FSTL5: variants seen among roughly 807,000 people sequenced by gnomAD.
The protein encoded by FSTL5 is follistatin-related protein 5.
In FSTL5, 62 loss-of-function variants were observed where a neutral mutation model predicts 89.1. The observed-to-expected ratio is 0.70, with a 90% CI of 0.57 to 0.86. The LOEUF (loss-of-function observed/expected upper bound fraction) is 0.86. Ranked by LOEUF, FSTL5 falls within the 40% of genes least tolerant of loss-of-function variation. The pLI is 0.00. For missense variants in FSTL5, 1,057 were observed against 1,001.6 expected, an observed-to-expected ratio of 1.06 and a Z score of -0.75; for synonymous variants, 383 against 346.2, an observed-to-expected ratio of 1.11 and a Z score of -1.18.
intron 2 of FSTL5, among the ~76,000 whole-genome samples, chr4:162,109,706 G>A (rs527319973): frequency 7.3e-4 from 111 of 151,980 alleles, no homozygotes; most frequent in African/African-American, 2.5e-3. Flanking sequence ...ATTTAGCAAG[G>A]GAACAATCAG....
intron 3 of FSTL5, among the ~76,000 whole-genome samples, chr4:161,963,397 C>G (rs1174813832): frequency 1.3e-5 from 2 of 151,852 alleles, no homozygotes; most frequent in Non-Finnish European, 2.9e-5. Context: ...TACCTAGTTT[C>G]TTCAATTGCA....
intron 2 of FSTL5, among the ~76,000 whole-genome samples, chr4:162,071,768 T>C (rs541151525): frequency 6.6e-6 from 1 of 151,870 alleles, no homozygotes; most frequent in South Asian, 2.1e-4. Flanking sequence ...CAACGCATTT[T>C]AAAAGATCAA....
chr4:161,391,276 A>C (rs74501625), intron 15 of FSTL5, among the ~76,000 whole-genome samples: 2,318 of 152,316 alleles, frequency 0.015, 27 homozygotes, highest in Middle Eastern at 0.031. Context: ...ACACATGATT[A>C]AGTGGTTAGT....
chr4:161,547,593 T>C (rs1192039743), intron 8 of FSTL5, among the ~76,000 whole-genome samples: 2 of 151,928 alleles, frequency 1.3e-5, no homozygotes, highest in African/African-American at 2.4e-5. Context: ...ACTAAAATGG[T>C]AATATACCAT....
chr4:161,906,884 G>T (rs1384538968), intron 4 of FSTL5, among the ~76,000 whole-genome samples: 2 of 152,030 alleles, frequency 1.3e-5, no homozygotes, highest in African/African-American at 4.8e-5. Flanking sequence ...AATGGAATTT[G>T]CTTCCATGCC....
chr4:161,390,193 G>A (rs150133296), intron 15 of FSTL5, among the ~76,000 whole-genome samples: 7 of 152,148 alleles, frequency 4.6e-5, no homozygotes, highest in East Asian at 3.9e-4. Flanking sequence ...TAGGCTATGG[G>A]GTACTAGGTG....
chr4:161,568,606 A>T lies in FSTL5; in HGVS notation c.1015+18849T>A, dbSNP rs55788322. 1.6e-3 allele frequency among the ~76,000 whole-genome samples: 243 copies of T among 151,460 alleles called. 1 individual carries two copies. The highest frequency in any genetic ancestry group is 5.3e-3 in the African/African-American group (214 of 40,736). On this transcript the variant is annotated intron_variant, in intron 8 of 15. Transcript: ENST00000306100. ...GTTATGTCTAACAAATATACACATT[A>T]GGAAGCAGGTCACCCTATGTAGGAG...
chr4:161,883,476 T>C (rs1732701387), intron 4 of FSTL5, among the ~76,000 whole-genome samples: 1 of 152,200 alleles, frequency 6.6e-6, no homozygotes, highest in Non-Finnish European at 1.5e-5. Context: ...ATGCAGTTCT[T>C]TACTAAGTAA....
chr4:161,542,610 T>C lies in FSTL5; in HGVS notation c.1099A>G (p.Ile367Val), dbSNP rs377121983. 1.3e-6 allele frequency: 2 copies of C among 1,573,136 alleles called. No homozygotes were observed. Among genetic ancestry groups the C allele is most frequent in the Non-Finnish European group, 1.7e-6 (2 of 1,156,662 alleles). The part of the protein sequence containing the change: ...TASLRCHAEG[I>V]PKPQLGWLKN... ...AACCAGCCAAGCTGAGGCTTTGGTA[T>C]GCCCTCTGCATGGCACCTAAGACTG... The change falls in exon 9 of 16, where the codon ATA becomes GTA. Residue 367 changes from isoleucine to valine, a missense_variant. Ile to Val is a conservative substitution (Grantham distance 29). Coordinates refer to ENST00000306100, the MANE Select transcript of FSTL5 (RefSeq NM_020116.5).
chr4:162,029,198 T>C (rs1737421333), intron 3 of FSTL5, among the ~76,000 whole-genome samples: 1 of 151,842 alleles, frequency 6.6e-6, no homozygotes, highest in Admixed American at 6.6e-5. Flanking sequence ...CGTGTGTGTG[T>C]GTAGACTGCA....
intron 7 of FSTL5, among the ~76,000 whole-genome samples, chr4:161,611,222 ATGT>A (rs1167108276): frequency 9.5e-5 from 11 of 116,298 alleles, no homozygotes; most frequent in African/African-American, 3.5e-4. Flanking sequence ...ATATGTGTGT[ATGT>A]GTATACATAT....
chr4:162,058,877 T>G (rs772534475), intron 2 of FSTL5, among the ~76,000 whole-genome samples: 8 of 152,116 alleles, frequency 5.3e-5, no homozygotes, highest in Non-Finnish European at 1.2e-4. Flanking sequence ...GGAAAAAAAT[T>G]AATGAACTAA....
chr4:161,918,912 G>C (rs1383476161), intron 4 of FSTL5, among the ~76,000 whole-genome samples: 1 of 151,880 alleles, frequency 6.6e-6, no homozygotes, highest in Non-Finnish European at 1.5e-5. Flanking sequence ...GAAAGTGCTG[G>C]GATTACCAGG....
At chr4:161,401,700 G>A (rs1010614896) in intron 15 of FSTL5, among the ~76,000 whole-genome samples, 3 of 151,840 alleles carry the variant, frequency 2.0e-5, no homozygotes, top group African/African-American at 4.8e-5. Flanking sequence ...AATTTTTTTT[G>A]TATTTTTTAC....
intron 3 of FSTL5, among the ~76,000 whole-genome samples, chr4:161,996,253 G>A (rs900409771): frequency 2.6e-5 from 4 of 152,224 alleles, no homozygotes; most frequent in African/African-American, 9.6e-5. Flanking sequence ...TCTGACTCCA[G>A]TGGGTGGCTG....
chr4:161,749,181 T>C (rs931672277), intron 6 of FSTL5, among the ~76,000 whole-genome samples: 1 of 152,134 alleles, frequency 6.6e-6, no homozygotes, highest in Non-Finnish European at 1.5e-5. Flanking sequence ...TGGGTATCTA[T>C]CTACCCAAAA....
chr4:161,436,500 G>T (rs1311157707), intron 15 of FSTL5, among the ~76,000 whole-genome samples: 1 of 152,058 alleles, frequency 6.6e-6, no homozygotes, highest in African/African-American at 2.4e-5. Context: ...CATCCATTTT[G>T]TGCATCATTG....
intron 7 of FSTL5, among the ~76,000 whole-genome samples, chr4:161,609,472 T>A (rs1455541768): frequency 6.6e-6 from 1 of 152,142 alleles, no homozygotes; most frequent in African/African-American, 2.4e-5. Context: ...CAAATATCCA[T>A]AAACACTTAA....
At chr4:161,546,128 T>G (rs1731996613) in intron 8 of FSTL5, among the ~76,000 whole-genome samples, 2 of 151,328 alleles carry the variant, frequency 1.3e-5, no homozygotes, top group African/African-American at 4.8e-5. Flanking sequence ...TAACTCCAGA[T>G]TAGATACAGC....
Sources: gnomAD v4.1 joint callset for allele counts (sites outside exome capture counted in the v4.1 genomes callset) on GRCh38, gnomAD v4.1.1 for gene constraint, MANE v1.5 for transcripts, NCBI Gene and HGNC (gene_info 2026-07-23, HGNC 2026-07-21) for gene names.